Variants in RAG1 observed in about 807,000 individuals in gnomAD.
RAG1 encodes V(D)J recombination-activating protein 1.
RAG1 carries 35 observed loss-of-function variants against 62.7 expected under a neutral mutation model. The observed-to-expected ratio is 0.56, with a 90% CI of 0.43 to 0.74. The LOEUF (loss-of-function observed/expected upper bound fraction) is 0.74, where lower values mean the gene tolerates loss of function less well. Among genes scored for constraint, RAG1 ranks in the 30% least tolerant of loss-of-function variants. The probability of loss-of-function intolerance (pLI) is 0.00; values close to 1 mark genes in which losing one functional copy is unlikely to be tolerated. For missense variants in RAG1, 1,169 were observed against 1,278.6 expected, an observed-to-expected ratio of 0.91 and a Z score of 1.31; for synonymous variants, 461 against 470.3, an observed-to-expected ratio of 0.98 and a Z score of 0.26.
At chr11:36,522,962 A>G (rs1003354111) in intron 2 of RAG1, among the ~76,000 whole-genome samples, 4 of 152,188 alleles carry the variant, frequency 2.6e-5, no homozygotes, top group African/African-American at 4.8e-5. Context: ...CTGTACCCCC[A>G]TTGTACCTAG....
upstream of RAG1, among the ~76,000 whole-genome samples, chr11:36,563,162 G>T (rs187301762): frequency 1.5e-3 from 223 of 152,288 alleles, 4 homozygotes; most frequent in Non-Finnish European, 7.4e-5. Context: ...TTGACTGGGC[G>T]AAGGGATACC....
chr11:36,575,804 GC>G lies in RAG1; in HGVS notation c.2502del (p.Thr835HisfsTer10), dbSNP rs2133297665. On this transcript the variant is annotated frameshift_variant, in exon 2 of 2. Transcript: ENST00000299440. LOFTEE classifies it high-confidence loss of function. The surrounding 1 kb of genome is among the most constrained non-coding windows in gnomAD (Gnocchi z 4.1). ...CAAAGAGGAAAGGAAAAGGTGGCAG[GC>G]CACACTGGACAAGCATCTCCGGAAG... is the stretch of plus-strand genomic sequence containing the variant. The part of the protein sequence containing the change: ...ASKEERKRWQ[A>X]TLDKHLRKKM... The G allele has an allele frequency of 1.2e-6, 2 of 1,614,218 alleles. No individual in the cohort carries two copies. The highest frequency in any genetic ancestry group is 4.5e-5 in the East Asian group (2 of 44,880).
At chr11:36,560,195 T>G (rs1467007211) in intron 3 of RAG1, among the ~76,000 whole-genome samples, 2 of 152,170 alleles carry the variant, frequency 1.3e-5, no homozygotes, top group Non-Finnish European at 2.9e-5. Context: ...ATAGGTGGAC[T>G]GGTTCTCAGG....
At chr11:36,511,547 C>G (rs1438315397) in intron 1 of RAG1, among the ~76,000 whole-genome samples, 1 of 152,130 alleles carries the variant, frequency 6.6e-6, no homozygotes, top group African/African-American at 2.4e-5. Flanking sequence ...TTTCTGGCTG[C>G]CAATATTCAT....
At chr11:36,524,259 G>A (rs543093353) in intron 2 of RAG1, among the ~76,000 whole-genome samples, 2 of 151,512 alleles carry the variant, frequency 1.3e-5, no homozygotes, top group Non-Finnish European at 2.9e-5. Context: ...GTTAATGGGT[G>A]CAGCACACCA....
At position 36,575,036 on chromosome 11, in the gene RAG1, T is replaced by C. The variant is rs1310994971; in HGVS notation, c.1732T>C (p.Leu578=). ...SALMDMEEDI[L]EGMRSQDLDD... is the part of the protein sequence containing the mutation. ...TTTGATGGACATGGAAGAAGACATC[T>C]TGGAAGGCATGAGATCCCAAGACCT... The change falls in exon 2 of 2, where the codon TTG becomes CTG. Residue 578 remains leucine, a synonymous_variant. Transcript: ENST00000299440. This position sits in a 1 kb window ranked among gnomAD's most constrained non-coding sequence, Gnocchi z 4.1. 1.2e-6 allele frequency: 2 copies of C among 1,613,976 alleles called. No individual in the cohort carries two copies. Among genetic ancestry groups the C allele is most frequent in the African/African-American group, 1.3e-5 (1 of 74,906 alleles).
At position 36,576,616 on chromosome 11, in the gene RAG1, T is replaced by G. The variant is rs891044814; in HGVS notation, c.*180T>G. ...GAATAGAAACTGATGAGCTGATTGC[T>G]TGAGGCTTTTAGTGAGTTCCGAAAA... On this transcript the variant is annotated 3_prime_UTR_variant, in exon 2 of 2. Transcript: ENST00000299440. 1.1e-5 allele frequency: 8 copies of G among 731,994 alleles called. No homozygotes were observed. In the Admixed American group the frequency reaches 1.9e-4, roughly 18 times the overall value. 45.3% of individuals were successfully genotyped at this position (731,994 alleles called of 1,614,324 possible).
chr11:36,566,707 A>G (rs1331250055), upstream of RAG1, among the ~76,000 whole-genome samples: 2 of 152,158 alleles, frequency 1.3e-5, no homozygotes, highest in East Asian at 3.9e-4. Flanking sequence ...TAAAGGCTGC[A>G]TCTCCTTGGG....
intron 3 of RAG1, among the ~76,000 whole-genome samples, chr11:36,550,997 A>G (rs2133274242): frequency 6.6e-6 from 1 of 152,256 alleles, no homozygotes; most frequent in Non-Finnish European, 1.5e-5. Context: ...CGTCAGATTT[A>G]CTATGAAAGA....
downstream of RAG1, among the ~76,000 whole-genome samples, chr11:36,540,812 C>T (rs1860405766): frequency 6.6e-6 from 1 of 152,196 alleles, no homozygotes; most frequent in Non-Finnish European, 1.5e-5. Context: ...GTTCTTTCTT[C>T]CCAAATAAAA....
downstream of RAG1, among the ~76,000 whole-genome samples, chr11:36,539,250 G>A (rs1270005113): frequency 6.6e-6 from 1 of 152,178 alleles, no homozygotes; most frequent in African/African-American, 2.4e-5. Context: ...AGAACACAGC[G>A]AGAAGGCAGT....
intron 1 of RAG1, chr11:36,520,119 T>C (rs1860055975): frequency 6.6e-6 from 1 of 152,208 alleles, no homozygotes; most frequent in South Asian, 2.1e-4. Context: ...CATCACAAGC[T>C]TTCTTTTGAC....
At position 36,574,080 on chromosome 11, in the gene RAG1, G is replaced by T. The variant is rs368279695; in HGVS notation, c.776G>T (p.Ser259Ile). Reference protein sequence around the residue: ...HKRRAQARISSKDVMKKIANC... With the variant: ...HKRRAQARISIKDVMKKIANC... ...AGAAGAGCTCAGGCAAGGATCAGCA[G>T]CAAGGATGTCATGAAGAAGATCGCC... Residue 259 changes from serine (S) to isoleucine (I), a missense_variant, in exon 2 of 2, where the codon AGC becomes ATC. Around this residue, in one of 2 missense-constraint regions of RAG1, gnomAD observed 369 missense variants for 335.3 expected, o/e 1.10. Coordinates refer to ENST00000299440, the MANE Select transcript of RAG1 (RefSeq NM_000448.3). The T allele has an allele frequency of 2.5e-6, 4 of 1,614,062 alleles. No individual in the cohort carries two copies. The African/African-American group carries it at 5.3e-5, about 22-fold the overall frequency.
At chr11:36,518,718 G>T (rs1048846474) in intron 1 of RAG1, among the ~76,000 whole-genome samples, 1 of 152,156 alleles carries the variant, frequency 6.6e-6, no homozygotes, top group Non-Finnish European at 1.5e-5. Context: ...ATTTGTTGGA[G>T]TTCATTGTAG....
rs1249862287 is a variant in RAG1 at position 36,576,084 on chromosome 11, T to C, written c.2780T>C (p.Phe927Ser). Reference protein sequence around the residue: ...QRFAELLSTKFKYRYEGKITN... With the variant: ...QRFAELLSTKSKYRYEGKITN... ...TTTGCTGAGCTCCTTTCTACGAAGT[T>C]CAAGTATAGGTATGAGGGAAAAATC... The change falls in exon 2 of 2, where the codon TTC (phenylalanine) becomes TCC (serine). Residue 927 changes from phenylalanine to serine, a missense_variant. Coordinates refer to ENST00000299440, the MANE Select transcript of RAG1 (RefSeq NM_000448.3). 1 of 1,613,974 alleles carries C rather than the reference T, an allele frequency of 6.2e-7. No homozygotes were observed. Among genetic ancestry groups the C allele is most frequent in the Non-Finnish European group, 8.5e-7 (1 of 1,180,032 alleles).
At chr11:36,531,039 C>A (rs1289361171) in intron 2 of RAG1, among the ~76,000 whole-genome samples, 3 of 128,882 alleles carry the variant, frequency 2.3e-5, no homozygotes, top group Non-Finnish European at 4.9e-5. Context: ...AGAATTGTTG[C>A]ATCATCTTGA....
chr11:36,569,134 G>T (rs1043470415), intron 1 of RAG1, among the ~76,000 whole-genome samples: 24 of 151,956 alleles, frequency 1.6e-4, no homozygotes, highest in Non-Finnish European at 5.9e-5. Flanking sequence ...GAAATGGGGG[G>T]CTGCTGCTGC....
At chr11:36,518,765 G>T (rs1005733184) in intron 1 of RAG1, among the ~76,000 whole-genome samples, 9 of 152,132 alleles carry the variant, frequency 5.9e-5, no homozygotes, top group Non-Finnish European at 1.3e-4. Context: ...TGAGTAGATT[G>T]CAAAAATTTT....
At chr11:36,512,871 A>G (rs1381169808) in intron 1 of RAG1, among the ~76,000 whole-genome samples, 1 of 152,210 alleles carries the variant, frequency 6.6e-6, no homozygotes, top group African/African-American at 2.4e-5. Flanking sequence ...TTATAAGTAA[A>G]TCAAACATGA....
Sources: gnomAD v4.1 joint callset for allele counts (sites outside exome capture counted in the v4.1 genomes callset) on GRCh38, gnomAD v4.1.1 for gene constraint, gnomAD v4.1.1 regional missense constraint, Gnocchi (gnomAD v3.1) non-coding constraint, MANE v1.5 for transcripts, NCBI Gene and HGNC (gene_info 2026-07-23, HGNC 2026-07-21) for gene names.